Variants in COL23A1 observed in about 807,000 individuals in gnomAD.
COL23A1 encodes the protein collagen alpha-1(XXIII) chain.
In COL23A1, 97 loss-of-function variants were observed where a neutral mutation model predicts 99.3. That is an observed-to-expected ratio of 0.98 (90% CI 0.83 to 1.16). The LOEUF (loss-of-function observed/expected upper bound fraction) is 1.16, where lower values mean the gene tolerates loss of function less well. COL23A1 is among the 50% of genes most tolerant of loss of function. The pLI, the probability that COL23A1 is intolerant of heterozygous loss-of-function variation, is 0.00. For missense variants in COL23A1, 762 were observed against 757.4 expected, an observed-to-expected ratio of 1.01 and a Z score of -0.07; for synonymous variants, 320 against 308.2, an observed-to-expected ratio of 1.04 and a Z score of -0.40.
At chr5:178,456,947 C>T (rs1196836979) in intron 2 of COL23A1, among the ~76,000 whole-genome samples, 1 of 152,120 alleles carries the variant, frequency 6.6e-6, no homozygotes, top group East Asian at 1.9e-4. Context: ...ATAATGTAAA[C>T]ATGCAGAGAT....
rs1045745359 is a variant in COL23A1, at chr5:178,468,364, C to T, written c.361+92318G>A. Among the ~76,000 whole-genome samples the T allele has an allele frequency of 3.3e-5, 5 of 152,164 alleles. No individual in the cohort carries two copies. The highest frequency in any genetic ancestry group is 1.2e-4 in the African/African-American group (5 of 41,420). On this transcript the variant is annotated intron_variant, in intron 2 of 28. Coordinates refer to ENST00000390654, the MANE Select transcript of COL23A1 (RefSeq NM_173465.4). The surrounding 1 kb of genome is among the most constrained non-coding windows in gnomAD (Gnocchi z 4.2). ...TGCAAGACAGGGAGGGGATGGAAGC[C>T]AGCACGTGGGTCAAAGGGCGATGGA...
intron 2 of COL23A1, among the ~76,000 whole-genome samples, chr5:178,512,925 C>A (rs73342656): frequency 0.022 from 3,330 of 152,302 alleles, 145 homozygotes; most frequent in African/African-American, 0.075. Context: ...CAGGGTCATG[C>A]AGCTAGTAAG....
At chr5:178,344,771 T>C (rs1041999170) in intron 2 of COL23A1, 21 of 498,680 alleles carry the variant, frequency 4.2e-5, no homozygotes, top group African/African-American at 1.6e-4. Flanking sequence ...TGTATGCCCG[T>C]TGCCTCCAGA....
intron 2 of COL23A1, among the ~76,000 whole-genome samples, chr5:178,408,941 G>A (rs1435013582): frequency 3.2e-5 from 4 of 126,622 alleles, no homozygotes; most frequent in Non-Finnish European, 6.3e-5. Context: ...GGCGACAAGA[G>A]CGAAACTCTG....
chr5:178,560,745 A>C lies in COL23A1; in HGVS notation c.298T>G (p.Leu100Val). 1.9e-6 allele frequency: 3 copies of C among 1,610,368 alleles called. No homozygotes were observed. The highest frequency in any genetic ancestry group is 1.1e-5 in the South Asian group (1 of 90,142). ...GTCCGGATCTTCGCTAGTCCGTCCA[A>C]CTTCTGAGCCGGAAAAAAAAAAAGA... ...PHLERLLREK[L>V]DGLAKIRTAR... is the part of the protein sequence containing the mutation. Residue 100 changes from leucine to valine, a missense_variant, in exon 2 of 29, where the codon TTG (leucine) becomes GTG (valine). Physicochemically the swap from Leu to Val is conservative, Grantham distance 32 (BLOSUM62 1). Coordinates refer to ENST00000390654, the MANE Select transcript of COL23A1 (RefSeq NM_173465.4).
At position 178,490,882 on chromosome 5, in the gene COL23A1, TTTTACTG is replaced by T. The variant is rs367676326; in HGVS notation, c.361+69793_361+69799del. Among the ~76,000 whole-genome samples the T allele has an allele frequency of 9.7e-3, 1,471 of 152,300 alleles. 23 individuals carry two copies. The highest frequency in any genetic ancestry group is 0.032 in the African/African-American group (1,325 of 41,550). On this transcript the variant is annotated intron_variant, in intron 2 of 28. Transcript: ENST00000390654. The stretch of plus-strand genomic sequence containing the variant: ...GAACTGGATACCTAAAAAGAGTGAA[TTTTACTG>T]CATGTAAATTATACCTCGAGGAGCT...
intron 15 of COL23A1, among the ~76,000 whole-genome samples, chr5:178,256,089 G>A (rs940656289): frequency 1.3e-5 from 2 of 152,160 alleles, no homozygotes; most frequent in African/African-American, 2.4e-5. Context: ...GTGGACATGC[G>A]CTTGAGGGGA....
chr5:178,473,673 C>T (rs558142809), intron 2 of COL23A1, among the ~76,000 whole-genome samples: 4 of 151,878 alleles, frequency 2.6e-5, no homozygotes, highest in Non-Finnish European at 5.9e-5. Context: ...CCTGAAGATA[C>T]CAAGGGACGA....
At chr5:178,257,415 G>T in intron 13 of COL23A1, 108 bp downstream of exon 13, 2 of 1,321,832 alleles carry the variant, frequency 1.5e-6, no homozygotes, top group Non-Finnish European at 2.1e-6. Flanking sequence ...GCTGGGCACT[G>T]GCCTAGGAAC....
chr5:178,319,267 T>A (rs936496439), intron 2 of COL23A1, among the ~76,000 whole-genome samples: 7 of 152,310 alleles, frequency 4.6e-5, no homozygotes, highest in East Asian at 1.9e-4. Flanking sequence ...GAGGCGCATG[T>A]AAACCAGCAC....
At chr5:178,257,661 C>T in intron 12 of COL23A1, 94 bp from the exon 13 acceptor site, 1 of 1,291,448 alleles carries the variant, frequency 7.7e-7, no homozygotes, top group Non-Finnish European at 1.1e-6. Context: ...CAGTCTGCTC[C>T]TGGCATCTGC....
intron 2 of COL23A1, among the ~76,000 whole-genome samples, chr5:178,480,835 A>G (rs1757292906): frequency 6.6e-6 from 1 of 152,220 alleles, no homozygotes; most frequent in Non-Finnish European, 1.5e-5. Context: ...ATCCACAGAC[A>G]TTCTTAACAT....
chr5:178,472,672 A>G (rs1756820664), intron 2 of COL23A1, among the ~76,000 whole-genome samples: 1 of 152,164 alleles, frequency 6.6e-6, no homozygotes, highest in Non-Finnish European at 1.5e-5. Flanking sequence ...GTAGATGGGA[A>G]ATGTGAGGCT....
chr5:178,398,089 A>C (rs767316872), intron 2 of COL23A1, among the ~76,000 whole-genome samples: 1 of 152,212 alleles, frequency 6.6e-6, no homozygotes, highest in Non-Finnish European at 1.5e-5. Context: ...GGGTCTTGGC[A>C]GAGTGAACCC....
intron 1 of COL23A1, among the ~76,000 whole-genome samples, chr5:178,568,430 TA>T (rs1407183987): frequency 3.9e-5 from 6 of 152,168 alleles, no homozygotes; most frequent in African/African-American, 1.4e-4. Flanking sequence ...AGAATGGATT[TA>T]TTTTTTTAAC....
At chr5:178,358,585 G>GTGTA (rs1438142194) in intron 2 of COL23A1, among the ~76,000 whole-genome samples, 2 of 145,878 alleles carry the variant, frequency 1.4e-5, no homozygotes, top group Non-Finnish European at 3.0e-5. Flanking sequence ...GTATGTGTAT[G>GTGTA]TGTGTGTATG....
chr5:178,365,798 G>A lies in COL23A1; in HGVS notation c.362-58879C>T, dbSNP rs1762442084. On this transcript the variant is annotated intron_variant, in intron 2 of 28. Coordinates refer to ENST00000390654, the MANE Select transcript of COL23A1 (RefSeq NM_173465.4). This position sits in a 1 kb window ranked among gnomAD's most constrained non-coding sequence, Gnocchi z 5.2. The stretch of plus-strand genomic sequence containing the variant: ...AGGAGTCCTCTGTGACCTGGGAGGG[G>A]GCCCACTCCCCCTACCCTCAGCGCT... 6.6e-6 allele frequency among the ~76,000 whole-genome samples: 1 copy of A among 152,078 alleles called. No individual in the cohort carries two copies. The highest frequency in any genetic ancestry group is 1.5e-5 in the Non-Finnish European group (1 of 68,000).
At chr5:178,469,801 C>T (rs947331352) in intron 2 of COL23A1, among the ~76,000 whole-genome samples, 1 of 152,096 alleles carries the variant, frequency 6.6e-6, no homozygotes, top group African/African-American at 2.4e-5. Context: ...TGGCCATTCC[C>T]CCTGAAAGTC....
At chr5:178,247,496 A>G in intron 22 of COL23A1, 30 bp downstream of exon 22, 1 of 1,613,038 alleles carries the variant, frequency 6.2e-7, no homozygotes, top group Admixed American at 1.7e-5. Flanking sequence ...GGTGAGTCTG[A>G]GGCCAGTAGA....
Sources: allele counts gnomAD v4.1 joint callset (sites outside exome capture counted in the v4.1 genomes callset), GRCh38; gene constraint gnomAD v4.1.1; non-coding constraint Gnocchi (gnomAD v3.1); transcripts MANE v1.5; gene names NCBI Gene and HGNC (gene_info 2026-07-23, HGNC 2026-07-21).